AHCYL2: variants seen among roughly 807,000 people sequenced by gnomAD.
AHCYL2 encodes the protein adenosylhomocysteinase like 2, also known as S-adenosylhomocysteine hydrolase-like protein 2.
Under a neutral mutation model 81.4 loss-of-function variants are expected in AHCYL2, and 28 were observed. The ratio of observed to expected loss-of-function variants is 0.34; its 90% CI spans 0.25 to 0.47. The LOEUF is 0.47. Ranked by LOEUF, AHCYL2 falls within the 20% of genes least tolerant of loss-of-function variation. The probability of loss-of-function intolerance (pLI) is 1.00; values close to 1 mark genes in which losing one functional copy is unlikely to be tolerated. For missense variants in AHCYL2, 551 were observed against 785.1 expected, an observed-to-expected ratio of 0.70 and a Z score of 3.56; for synonymous variants, 272 against 290.2, an observed-to-expected ratio of 0.94 and a Z score of 0.64.
intron 1 of AHCYL2, among the ~76,000 whole-genome samples, chr7:129,297,880 C>T (rs779052086): frequency 1.3e-5 from 2 of 151,944 alleles, no homozygotes; most frequent in Non-Finnish European, 2.9e-5. Flanking sequence ...AAAATTAGCC[C>T]GACATGGTGG....
Position 129,426,967 on chromosome 7 carries a change from G to A in AHCYL2, c.1830-72G>A, listed in dbSNP as rs1477796548. 3.9e-5 allele frequency: 58 copies of A among 1,506,306 alleles called. No homozygotes were observed. Among genetic ancestry groups the A allele is most frequent in the Non-Finnish European group, 4.9e-5 (53 of 1,085,626 alleles). The allele number at this position is 1,506,306 out of a possible 1,614,324, so 93.3% of individuals were successfully genotyped here. A position where few individuals can be genotyped will look rare whatever the true frequency, so the allele number is the denominator to read the frequency against. On this transcript the variant is annotated intron_variant, in intron 16 of 16. Transcript: ENST00000325006. The surrounding 1 kb of genome is among the most constrained non-coding windows in gnomAD (Gnocchi z 4.3). ...TCTCTGCCTCCCTGTTACACCTTTA[G>A]GCAGGCTCTTCATGTCCCAGCATCC...
At chr7:129,345,721 A>G (rs1024052318) in intron 1 of AHCYL2, among the ~76,000 whole-genome samples, 3 of 152,170 alleles carry the variant, frequency 2.0e-5, no homozygotes, top group Non-Finnish European at 4.4e-5. Context: ...TAGGAAGACA[A>G]TGATAGGATC....
intron 1 of AHCYL2, among the ~76,000 whole-genome samples, chr7:129,234,243 T>TG (rs1794554006): frequency 6.6e-6 from 1 of 152,068 alleles, no homozygotes; most frequent in African/African-American, 2.4e-5. Flanking sequence ...CTTGTAGAGA[T>TG]GGGGTCTCTT....
intron 1 of AHCYL2, among the ~76,000 whole-genome samples, chr7:129,291,751 G>A (rs1474579740): frequency 2.0e-5 from 3 of 151,674 alleles, no homozygotes; most frequent in East Asian, 1.9e-4. Context: ...ACAGGCACCC[G>A]CCACCATGCC....
At chr7:129,285,166 G>A (rs1017573488) in intron 1 of AHCYL2, among the ~76,000 whole-genome samples, 7 of 152,124 alleles carry the variant, frequency 4.6e-5, no homozygotes, top group African/African-American at 1.4e-4. Context: ...CCTCCCTCGT[G>A]TATTTATATA....
Position 129,389,088 on chromosome 7 carries a change from A to C in AHCYL2, c.508A>C (p.Thr170Pro), listed in dbSNP as rs1295442919. The C allele has an allele frequency of 1.2e-6, 2 of 1,613,788 alleles. No individual in the cohort carries two copies. The highest frequency in any genetic ancestry group is 2.2e-5 in the South Asian group (2 of 91,070). ...ATATACAGATAGCTCTGATGATGAG[A>C]CATCGCCCAGGGACAAGCAGCAAAA... is the stretch of plus-strand genomic sequence containing the variant. ...ASYTDSSDDETSPRDKQQKNS... is the reference protein window; with the variant it reads ...ASYTDSSDDEPSPRDKQQKNS... The change falls in exon 3 of 17, where the codon ACA becomes CCA. Residue 170 changes from threonine (T) to proline (P), a missense_variant. By Grantham distance (38) the Thr-to-Pro change is conservative. Around this residue, in one of 2 missense-constraint regions of AHCYL2, gnomAD observed 316 missense variants for 543.1 expected, o/e 0.58. Coordinates refer to ENST00000325006, the MANE Select transcript of AHCYL2 (RefSeq NM_015328.4).
chr7:129,238,427 A>T (rs943603978), intron 1 of AHCYL2, among the ~76,000 whole-genome samples: 8 of 152,146 alleles, frequency 5.3e-5, no homozygotes, highest in Non-Finnish European at 7.4e-5. Context: ...ATACATTGTG[A>T]GCTTCTTTTT....
intron 1 of AHCYL2, among the ~76,000 whole-genome samples, chr7:129,238,706 CT>C (rs1408069558): frequency 1.3e-5 from 2 of 152,162 alleles, no homozygotes; most frequent in African/African-American, 4.8e-5. Context: ...AATCCCAGCA[CT>C]TTGGGAGGCC....
In AHCYL2 at chr7:129,282,920, A is replaced by G. The variant is rs866383562; in HGVS notation, c.363+57481A>G. ...GAGCAGTTTTCCATCTAGGGTAGTT[A>G]CTCCCCAGGATCCTTGGAATACTCT... On this transcript the variant is annotated intron_variant, in intron 1 of 16. Transcript: ENST00000325006. Among the ~76,000 whole-genome samples, 7 of 151,764 alleles carry G rather than the reference A, an allele frequency of 4.6e-5. No homozygotes were observed. In the Middle Eastern group the frequency reaches 0.01, roughly 224 times the overall value.
chr7:129,351,130 A>G (rs1327197155), intron 1 of AHCYL2, among the ~76,000 whole-genome samples: 1 of 152,186 alleles, frequency 6.6e-6, no homozygotes, highest in African/African-American at 2.4e-5. Context: ...TAAATTTATG[A>G]AAGTTGAAAA....
chr7:129,300,281 C>T (rs1227257998), intron 1 of AHCYL2, among the ~76,000 whole-genome samples: 1 of 152,150 alleles, frequency 6.6e-6, no homozygotes, highest in Middle Eastern at 3.2e-3. Flanking sequence ...CCCGCCTCCC[C>T]CCCAGCCTCC....
At chr7:129,310,387 G>A (rs957909028) in intron 1 of AHCYL2, among the ~76,000 whole-genome samples, 1 of 152,120 alleles carries the variant, frequency 6.6e-6, no homozygotes, top group African/African-American at 2.4e-5. Flanking sequence ...AATCACCAGG[G>A]AGTTTATATG....
intron 1 of AHCYL2, chr7:129,375,923 C>T (rs1794663446): frequency 6.5e-7 from 1 of 1,535,942 alleles, no homozygotes; most frequent in African/African-American, 1.4e-5. Flanking sequence ...GGATTAAGGC[C>T]CAGGTGAGGC....
intron 11 of AHCYL2, among the ~76,000 whole-genome samples, chr7:129,410,851 G>T (rs947982896): frequency 1.3e-5 from 2 of 152,138 alleles, no homozygotes; most frequent in African/African-American, 4.8e-5. Context: ...AAAAAAAATT[G>T]TAGTTGTAGC....
At chr7:129,366,791 AAG>A (rs1491241377) in intron 1 of AHCYL2, among the ~76,000 whole-genome samples, 7 of 151,294 alleles carry the variant, frequency 4.6e-5, no homozygotes, top group Non-Finnish European at 8.8e-5. Context: ...AAAAAAAAAA[AAG>A]TTTATAGAAA....
chr7:129,263,813 A>G (rs975445269), intron 1 of AHCYL2, among the ~76,000 whole-genome samples: 3 of 152,182 alleles, frequency 2.0e-5, no homozygotes. Flanking sequence ...AATTTTTAGT[A>G]ATCTGTTTCA....
In AHCYL2 at chr7:129,333,308, CA is replaced by C. The variant is rs1181621904; in HGVS notation, c.364-46308del. 5.7e-3 allele frequency among the ~76,000 whole-genome samples: 387 copies of C among 67,494 alleles called. 1 individual carries two copies. Among genetic ancestry groups the C allele is most frequent in the Admixed American group, 0.012 (72 of 6,140 alleles). 44.3% of individuals were successfully genotyped at this position (67,494 alleles called of 152,430 possible). A position where few individuals can be genotyped will look rare whatever the true frequency, so the allele number is the denominator to read the frequency against. ...AACTTAGCGAGATCTCATCTCTACC[CA>C]AAAAAAAAAAAAAAAAAAAAATTTT... On this transcript the variant is annotated intron_variant, in intron 1 of 16. Coordinates refer to ENST00000325006, the MANE Select transcript of AHCYL2 (RefSeq NM_015328.4).
rs992678426 is a variant in AHCYL2, at chr7:129,388,785, A to G, written c.476-271A>G. The G allele has an allele frequency of 1.7e-5, 6 of 345,286 alleles. No individual in the cohort carries two copies. The Admixed American group carries it at 2.7e-4, about 16-fold the overall frequency. The allele number at this position is 345,286 out of a possible 1,614,324, so 21.4% of individuals were successfully genotyped here. On this transcript the variant is annotated intron_variant, in intron 2 of 16. Coordinates refer to ENST00000325006, the MANE Select transcript of AHCYL2 (RefSeq NM_015328.4). ...CTTTAACCTAATGCTACCATGGTGT[A>G]ACCTTTTCTTTTTGCGTATTCAAGG...
chr7:129,263,251 A>G (rs1795702688), intron 1 of AHCYL2, among the ~76,000 whole-genome samples: 1 of 152,212 alleles, frequency 6.6e-6, no homozygotes, highest in Admixed American at 6.5e-5. Flanking sequence ...AGATGCTCAT[A>G]TCTGAGACAT....
Sources: gnomAD v4.1 joint callset for allele counts (sites outside exome capture counted in the v4.1 genomes callset) on GRCh38, gnomAD v4.1.1 for gene constraint, gnomAD v4.1.1 regional missense constraint, Gnocchi (gnomAD v3.1) non-coding constraint, MANE v1.5 for transcripts, NCBI Gene and HGNC (gene_info 2026-07-23, HGNC 2026-07-21) for gene names.